MAP3K2: variants seen among roughly 807,000 people sequenced by gnomAD.
The protein encoded by MAP3K2 is mitogen-activated protein kinase kinase kinase 2, also known as MAP/ERK kinase kinase 2.
MAP3K2 carries 24 observed loss-of-function variants against 80.3 expected under a neutral mutation model. The ratio of observed to expected loss-of-function variants is 0.30; its 90% CI spans 0.22 to 0.42. The LOEUF is 0.42. Among genes scored for constraint, MAP3K2 ranks in the 10% least tolerant of loss-of-function variants. The pLI, the probability that MAP3K2 is intolerant of heterozygous loss-of-function variation, is 1.00. For synonymous variants in MAP3K2, 244 were observed against 253.7 expected, an observed-to-expected ratio of 0.96 and a Z score of 0.36; for missense variants, 608 against 750.1, an observed-to-expected ratio of 0.81 and a Z score of 2.21.
At chr2:127,345,409 C>T (rs1686579342) in intron 1 of MAP3K2, among the ~76,000 whole-genome samples, 1 of 152,148 alleles carries the variant, frequency 6.6e-6, no homozygotes, top group Non-Finnish European at 1.5e-5. Context: ...AAGGAAGAAA[C>T]ACAATTCAAA....
intron 1 of MAP3K2, among the ~76,000 whole-genome samples, chr2:127,353,646 CCACCCCGTCCGGGAGGTGAGGGGCGCCT>C (rs1300437533): frequency 6.6e-6 from 1 of 151,310 alleles, no homozygotes; most frequent in Non-Finnish European, 1.5e-5. Flanking sequence ...GCCCGGCCAG[CCACCCCGTCCGGGAGGTGAGGGGCGCCT>C]CTGCCCGGCC....
At chr2:127,311,319 C>A (rs1243494644) in intron 15 of MAP3K2, among the ~76,000 whole-genome samples, 1 of 152,134 alleles carries the variant, frequency 6.6e-6, no homozygotes, top group African/African-American at 2.4e-5. Flanking sequence ...AGTGGAAGGA[C>A]AACAAAGCCC....
At position 127,308,599 on chromosome 2, in the gene MAP3K2, T is replaced by TA; in HGVS notation, c.1619_1620insT (p.Arg540SerfsTer18). The TA allele has an allele frequency of 6.4e-7, 1 of 1,553,764 alleles. No individual in the cohort carries two copies. The highest frequency in any genetic ancestry group is 8.8e-7 in the Non-Finnish European group (1 of 1,141,600). On this transcript the variant is annotated frameshift_variant, in exon 16 of 17. Coordinates refer to ENST00000682094, the MANE Select transcript of MAP3K2 (RefSeq NM_001371910.2). LOFTEE classifies it high-confidence loss of function. ...TCAAAACCTACCAGATGTCTGCTTT[T>TA]CTTCCATAGCCTTCTCCACTGATGA...
At chr2:127,334,491 T>G (rs541144254) in intron 5 of MAP3K2, among the ~76,000 whole-genome samples, 32 of 151,816 alleles carry the variant, frequency 2.1e-4, no homozygotes, top group African/African-American at 7.3e-4. Context: ...AGTGCAGTGG[T>G]TCAACTGTAG....
intron 1 of MAP3K2, among the ~76,000 whole-genome samples, chr2:127,352,903 G>A (rs1295890088): frequency 6.6e-6 from 1 of 152,180 alleles, no homozygotes; most frequent in Non-Finnish European, 1.5e-5. Context: ...GTTTCGCTGT[G>A]TTGGCTGGGC....
intron 5 of MAP3K2, among the ~76,000 whole-genome samples, chr2:127,333,302 A>ACC (rs1190935605): frequency 3.3e-5 from 5 of 150,130 alleles, no homozygotes; most frequent in Non-Finnish European, 7.4e-5. Context: ...ACACACACAC[A>ACC]CACCCCTTAT....
At chr2:127,327,526 A>G (rs988597774) in intron 7 of MAP3K2, among the ~76,000 whole-genome samples, 3 of 152,064 alleles carry the variant, frequency 2.0e-5, no homozygotes, top group African/African-American at 4.8e-5. Flanking sequence ...CCGTGCTTAC[A>G]AAAGATCAAT....
chr2:127,379,143 TA>T (rs1191801456), intron 1 of MAP3K2, among the ~76,000 whole-genome samples: 7 of 152,038 alleles, frequency 4.6e-5, no homozygotes, highest in Non-Finnish European at 8.8e-5. Flanking sequence ...TTAAACAAAA[TA>T]AACATTTAAG....
At chr2:127,318,446 T>G (rs9636237) in intron 12 of MAP3K2, 129 bp from the exon 13 acceptor site, 1 of 623,360 alleles carries the variant, frequency 1.6e-6, no homozygotes. Flanking sequence ...AAAATTATGA[T>G]TATCCAAATT....
At chr2:127,335,403 A>G (rs2104839052) in intron 5 of MAP3K2, among the ~76,000 whole-genome samples, 2 of 152,296 alleles carry the variant, frequency 1.3e-5, no homozygotes, top group Non-Finnish European at 2.9e-5. Flanking sequence ...CACAACGCAG[A>G]GCTCCTCACT....
intron 1 of MAP3K2, among the ~76,000 whole-genome samples, chr2:127,375,774 AT>A (rs1444039370): frequency 6.6e-6 from 1 of 152,082 alleles, no homozygotes; most frequent in Non-Finnish European, 1.5e-5. Context: ...ACTTAGACAA[AT>A]ACCCGACCTT....
At chr2:127,374,288 G>A (rs114762234) in intron 1 of MAP3K2, among the ~76,000 whole-genome samples, 1,762 of 152,140 alleles carry the variant, frequency 0.012, 33 homozygotes, top group African/African-American at 0.04. Context: ...CTTTTTCTCC[G>A]ACTTCAGCAA....
chr2:127,312,585 C>G (rs1378557977), intron 15 of MAP3K2, among the ~76,000 whole-genome samples: 1 of 152,018 alleles, frequency 6.6e-6, no homozygotes, highest in African/African-American at 2.4e-5. Context: ...TGCTTGAGCT[C>G]AAGAGGTTGA....
chr2:127,330,620 C>T (rs1185296453), intron 5 of MAP3K2, 115 bp from the exon 6 acceptor site: 5 of 547,844 alleles, frequency 9.1e-6, no homozygotes, highest in Non-Finnish European at 1.6e-5. Flanking sequence ...TGATTTGTTA[C>T]TATGATGAAA....
At chr2:127,319,491 CCT>C (rs1378173114) in intron 12 of MAP3K2, among the ~76,000 whole-genome samples, 1 of 151,600 alleles carries the variant, frequency 6.6e-6, no homozygotes, top group Non-Finnish European at 1.5e-5. Flanking sequence ...AGAGATCCTC[CCT>C]CTCTGAGAAG....
Position 127,335,895 on chromosome 2 carries a change from A to G in MAP3K2, c.239T>C (p.Met80Thr). The change falls in exon 5 of 17, where the codon ATG becomes ACG. Residue 80 changes from methionine to threonine, a missense_variant. By Grantham distance (81) the Met-to-Thr change is moderately conservative. Transcript: ENST00000682094. Reference sequence around the variant, plus strand: ...CTCGTTATTGGTATAATGTAGATCCATAGACTGTCCAAAGGCAATTTTAGC... The same window carrying G: ...CTCGTTATTGGTATAATGTAGATCCGTAGACTGTCCAAAGGCAATTTTAGC... ...SKAKIAFGQS[M>T]DLHYTNNELV... 3.2e-6 allele frequency: 5 copies of G among 1,568,936 alleles called. No homozygotes were observed. Among genetic ancestry groups the G allele is most frequent in the Non-Finnish European group, 4.3e-6 (5 of 1,152,964 alleles).
chr2:127,309,903 T>C (rs1685778416), intron 15 of MAP3K2, among the ~76,000 whole-genome samples: 1 of 152,140 alleles, frequency 6.6e-6, no homozygotes. Flanking sequence ...TGTAAAGTCA[T>C]TCTCCCCCAC....
chr2:127,356,741 A>C (rs1026688218), intron 1 of MAP3K2, among the ~76,000 whole-genome samples: 3 of 152,242 alleles, frequency 2.0e-5, no homozygotes, highest in African/African-American at 7.2e-5. Flanking sequence ...AGATGGATTA[A>C]GGACCTAAAT....
chr2:127,356,437 CTTTAA>C (rs896876649), intron 1 of MAP3K2, among the ~76,000 whole-genome samples: 2 of 151,372 alleles, frequency 1.3e-5, no homozygotes, highest in Non-Finnish European at 2.9e-5. Flanking sequence ...ACTGTATATA[CTTTAA>C]TTTAAAAATT....
Sources: gnomAD v4.1 joint callset for allele counts (sites outside exome capture counted in the v4.1 genomes callset) on GRCh38, gnomAD v4.1.1 for gene constraint, MANE v1.5 for transcripts, NCBI Gene and HGNC (gene_info 2026-07-23, HGNC 2026-07-21) for gene names.